The following DENND4C variants were observed in gnomAD, a reference collection of about 807,000 sequenced individuals.
The protein encoded by DENND4C is DENN domain containing 4C, also known as DENN domain-containing protein 4C.
Under a neutral mutation model 203.0 loss-of-function variants are expected in DENND4C, and 108 were observed. The ratio of observed to expected loss-of-function variants is 0.53; its 90% CI spans 0.46 to 0.62. DENND4C has a LOEUF of 0.62. Ranked by LOEUF, DENND4C falls within the 20% of genes least tolerant of loss-of-function variation. The pLI is 0.00. For missense variants in DENND4C, 2,481 were observed against 2,301.2 expected, an observed-to-expected ratio of 1.08 and a Z score of -1.60; for synonymous variants, 871 against 792.4, an observed-to-expected ratio of 1.10 and a Z score of -1.67.
intron 27 of DENND4C, 179 bp from the exon 28 acceptor site, chr9:19,357,786 T>C: frequency 1.9e-6 from 1 of 519,806 alleles, no homozygotes; most frequent in Non-Finnish European, 3.4e-6. Flanking sequence ...TACTCCATCC[T>C]GTTTTTCTGA....
At chr9:19,370,097 C>A in intron 31 of DENND4C, 110 bp downstream of exon 31, 2 of 1,266,766 alleles carry the variant, frequency 1.6e-6, no homozygotes, top group Non-Finnish European at 2.3e-6. Context: ...ATACTCATTG[C>A]AAAACATCTA....
At position 19,360,225 on chromosome 9, in the gene DENND4C, T is replaced by C. The variant is rs1393136019; in HGVS notation, c.5161-19T>C. The C allele has an allele frequency of 3.7e-6, 6 of 1,606,948 alleles. No homozygotes were observed. The highest frequency in any genetic ancestry group is 5.1e-6 in the Non-Finnish European group (6 of 1,176,704). ...GATTTAAACAGATAATATTAATTTCTTTTTGTATTTTTTTTAAGGATCCTT... is the reference window on the plus strand; with the variant it reads ...GATTTAAACAGATAATATTAATTTCCTTTTGTATTTTTTTTAAGGATCCTT... On this transcript the variant is annotated intron_variant, in intron 28 of 32. Transcript: ENST00000434457.
At chr9:19,273,152 C>G (rs1329195652) in intron 1 of DENND4C, among the ~76,000 whole-genome samples, 2 of 151,888 alleles carry the variant, frequency 1.3e-5, no homozygotes, top group East Asian at 1.9e-4. Flanking sequence ...CAGAGTTTCA[C>G]TAGGTTAGCC....
rs552002512 is a variant in DENND4C at position 19,320,244 on chromosome 9, G to A, written c.1807+3405G>A. ...GACAGAGTCTTTGCTGTGTTGCCCA[G>A]GTGGAATGTAGTGGTGCAGTCTTGG... On this transcript the variant is annotated intron_variant, in intron 12 of 32. Transcript: ENST00000434457. Among the ~76,000 whole-genome samples the A allele has an allele frequency of 7.2e-5, 11 of 151,766 alleles. No individual in the cohort carries two copies. In the East Asian group the frequency reaches 1.7e-3, roughly 24 times the overall value.
chr9:19,265,438 ATTTT>A (rs869266401), intron 1 of DENND4C, among the ~76,000 whole-genome samples: 1 of 57,832 alleles, frequency 1.7e-5, no homozygotes, highest in East Asian at 3.8e-4. Context: ...TTTCTTTTTT[ATTTT>A]TATTTATTTA....
chr9:19,280,874 G>T (rs957567168), intron 2 of DENND4C, among the ~76,000 whole-genome samples: 4 of 152,076 alleles, frequency 2.6e-5, no homozygotes, highest in Non-Finnish European at 5.9e-5. Flanking sequence ...CCGAGTAGCT[G>T]GGACTACAGG....
rs1446383218 is a variant in DENND4C, at chr9:19,371,778, T to C, written c.5698T>C (p.Phe1900Leu). Residue 1900 changes from phenylalanine to leucine, a missense_variant, in exon 32 of 33, where the codon TTC becomes CTC. By Grantham distance (22) the Phe-to-Leu change is conservative. Transcript: ENST00000434457. ...TAGGAGTTTATACAGAGAAATCCTC[T>C]TCTTATCATTAGTGTCTCTAGGAAG... ...RQRSLYREILFLSLVSLGREN... is the reference protein window; with the variant it reads ...RQRSLYREILLLSLVSLGREN... 3 of 1,464,076 alleles carry C rather than the reference T, an allele frequency of 2.0e-6. No homozygotes were observed. Among genetic ancestry groups the C allele is most frequent in the Middle Eastern group, 1.7e-4 (1 of 5,738 alleles). 90.7% of individuals were successfully genotyped at this position (1,464,076 alleles called of 1,614,324 possible).
intron 2 of DENND4C, among the ~76,000 whole-genome samples, chr9:19,285,969 T>G (rs565585572): frequency 2.0e-5 from 3 of 152,304 alleles, no homozygotes; most frequent in Admixed American, 1.3e-4. Context: ...TGTGTGGTAG[T>G]TTTGAAGTAG....
chr9:19,290,631 T>C, intron 4 of DENND4C, 73 bp from the exon 5 acceptor site: 1 of 1,074,890 alleles, frequency 9.3e-7, no homozygotes, highest in Non-Finnish European at 1.2e-6. Flanking sequence ...AAATATTCCA[T>C]TAATACCTAT....
intron 12 of DENND4C, among the ~76,000 whole-genome samples, chr9:19,319,557 CTG>C (rs1336769445): frequency 6.6e-6 from 1 of 150,746 alleles, no homozygotes; most frequent in African/African-American, 2.4e-5. Context: ...TTTAGAGGTG[CTG>C]TGGAAGATAA....
intron 30 of DENND4C, among the ~76,000 whole-genome samples, chr9:19,368,219 A>T (rs1828077955): frequency 6.6e-6 from 1 of 151,494 alleles, no homozygotes; most frequent in South Asian, 2.1e-4. Flanking sequence ...AACTCATAGC[A>T]GCCAGTATTT....
At chr9:19,251,640 TCAC>T (rs1826625422) in intron 1 of DENND4C, among the ~76,000 whole-genome samples, 1 of 152,226 alleles carries the variant, frequency 6.6e-6, no homozygotes, top group African/African-American at 2.4e-5. Context: ...AGCACCCAAG[TCAC>T]TTCTTGAAAG....
intron 1 of DENND4C, among the ~76,000 whole-genome samples, chr9:19,275,850 A>G (rs1397907624): frequency 6.6e-6 from 1 of 152,182 alleles, no homozygotes; most frequent in African/African-American, 2.4e-5. Flanking sequence ...CAGGTGATCC[A>G]CTTGCCTTGG....
chr9:19,352,714 C>T (rs747788077), intron 26 of DENND4C, 49 bp downstream of exon 26: 7 of 1,404,624 alleles, frequency 5.0e-6, no homozygotes, highest in Middle Eastern at 2.6e-4. Context: ...TCAAAAAACA[C>T]GACTTCTGGG....
At chr9:19,366,976 A>G (rs1434738561) in intron 30 of DENND4C, among the ~76,000 whole-genome samples, 1 of 152,256 alleles carries the variant, frequency 6.6e-6, no homozygotes, top group Non-Finnish European at 1.5e-5. Flanking sequence ...TACCCAGACT[A>G]TGTAAAGTAC....
rs140548337 is a variant in DENND4C, at chr9:19,348,929, C to G, written c.4318-1773C>G. 2.5e-3 allele frequency among the ~76,000 whole-genome samples: 384 copies of G among 152,216 alleles called. 1 individual carries two copies. The highest frequency in any genetic ancestry group is 9.1e-3 in the African/African-American group (377 of 41,540). ...GCTCAAGCAATCCTCCTGCCTCAGC[C>G]TCCTGATTGCTAGGACTCCAGGCGT... On this transcript the variant is annotated intron_variant, in intron 23 of 32. Transcript: ENST00000434457.
chr9:19,364,732 A>C (rs1827253624), intron 30 of DENND4C, among the ~76,000 whole-genome samples: 1 of 152,146 alleles, frequency 6.6e-6, no homozygotes, highest in Non-Finnish European at 1.5e-5. Flanking sequence ...GCCTCTACTA[A>C]AAATACAAAA....
chr9:19,252,260 G>T (rs895155970), intron 1 of DENND4C, among the ~76,000 whole-genome samples: 1 of 152,078 alleles, frequency 6.6e-6, no homozygotes, highest in Non-Finnish European at 1.5e-5. Flanking sequence ...ATCAGATCTC[G>T]TGAGACTTAT....
chr9:19,297,418 G>GT (rs1440948546), intron 6 of DENND4C, among the ~76,000 whole-genome samples: 1 of 152,106 alleles, frequency 6.6e-6, no homozygotes, highest in Non-Finnish European at 1.5e-5. Context: ...ATAGTTCTGG[G>GT]TTTAACTTTC....
Sources: allele counts gnomAD v4.1 joint callset (sites outside exome capture counted in the v4.1 genomes callset), GRCh38; gene constraint gnomAD v4.1.1; transcripts MANE v1.5; gene names NCBI Gene and HGNC (gene_info 2026-07-23, HGNC 2026-07-21).